FGF14: variants seen among roughly 807,000 people sequenced by gnomAD.
FGF14 encodes the protein fibroblast growth factor homologous factor 4.
A neutral mutation model predicts 25.5 loss-of-function variants in FGF14; 5 were observed. That is an observed-to-expected ratio of 0.20 (90% CI 0.10 to 0.41). FGF14 has a LOEUF of 0.41. Ranked by LOEUF, FGF14 falls within the 10% of genes least tolerant of loss-of-function variation. FGF14 has a pLI of 1.00. For synonymous variants in FGF14, 138 were observed against 118.3 expected (o/e 1.17, Z -1.08); for missense variants, 222 against 320.1 (o/e 0.69, Z 2.34).
intron 3 of FGF14, among the ~76,000 whole-genome samples, chr13:101,756,005 T>C (rs1224438496): frequency 6.6e-6 from 1 of 152,198 alleles, no homozygotes; most frequent in Non-Finnish European, 1.5e-5. Flanking sequence ...GTTATTAGTG[T>C]AGCTCTTCCC....
intron 1 of FGF14, among the ~76,000 whole-genome samples, chr13:102,005,367 T>C (rs1487120223): frequency 6.6e-6 from 1 of 152,224 alleles, no homozygotes; most frequent in Non-Finnish European, 1.5e-5. Flanking sequence ...GCACAGAGAT[T>C]TCTGTGTTCA....
intron 1 of FGF14, among the ~76,000 whole-genome samples, chr13:102,222,649 A>G (rs1255296600): frequency 3.3e-5 from 5 of 152,266 alleles, no homozygotes; most frequent in South Asian, 2.1e-4. Flanking sequence ...AGCTTGTTCT[A>G]CTACTTCTAG....
At chr13:102,128,237 C>A (rs1203708482) in intron 1 of FGF14, among the ~76,000 whole-genome samples, 1 of 152,168 alleles carries the variant, frequency 6.6e-6, no homozygotes, top group Non-Finnish European at 1.5e-5. Flanking sequence ...GAGGGTGGAT[C>A]CTTCAAATAG....
At position 101,796,472 on chromosome 13, in the gene FGF14, T is replaced by A. The variant is rs143973088; in HGVS notation, c.409-69662A>T. On this transcript the variant is annotated intron_variant, in intron 3 of 4. Coordinates refer to ENST00000376143, the MANE Select transcript of FGF14 (RefSeq NM_004115.4). ...TTTTGTGGCCTCTTACCATCAGTTATGGGATAAATTATATTCCCCCCAAAT... is the reference window on the plus strand; with the variant it reads ...TTTTGTGGCCTCTTACCATCAGTTAAGGGATAAATTATATTCCCCCCAAAT... Among the ~76,000 whole-genome samples the A allele has an allele frequency of 1.3e-3, 199 of 152,136 alleles. 1 individual carries two copies. The highest frequency in any genetic ancestry group is 4.6e-3 in the African/African-American group (192 of 41,528).
chr13:102,131,310 A>G (rs1014265635), intron 1 of FGF14, among the ~76,000 whole-genome samples: 2 of 152,362 alleles, frequency 1.3e-5, no homozygotes, highest in East Asian at 3.9e-4. Flanking sequence ...CCAAAGAGGT[A>G]GAGCAAGTTA....
At chr13:101,728,510 A>G (rs2035592895) in intron 3 of FGF14, among the ~76,000 whole-genome samples, 1 of 152,150 alleles carries the variant, frequency 6.6e-6, no homozygotes, top group Non-Finnish European at 1.5e-5. Flanking sequence ...AAGATTGATA[A>G]AACAGTACAT....
At chr13:102,075,758 T>G (rs1433070397) in intron 1 of FGF14, among the ~76,000 whole-genome samples, 1 of 152,302 alleles carries the variant, frequency 6.6e-6, no homozygotes, top group African/African-American at 2.4e-5. Context: ...GTTCCATGCG[T>G]GTGATTGCTC....
intron 1 of FGF14, among the ~76,000 whole-genome samples, chr13:102,157,417 C>T (rs1055202972): frequency 5.3e-5 from 8 of 152,178 alleles, no homozygotes; most frequent in African/African-American, 1.7e-4. Flanking sequence ...AGAGAATTCC[C>T]TATTTAATAA....
chr13:102,156,261 A>G (rs1297094221), intron 1 of FGF14, among the ~76,000 whole-genome samples: 8 of 152,208 alleles, frequency 5.3e-5, no homozygotes, highest in African/African-American at 1.4e-4. Flanking sequence ...AAAATCCTCA[A>G]TAAAATACTG....
At chr13:102,326,197 G>A (rs1480879953) in intron 1 of FGF14, among the ~76,000 whole-genome samples, 1 of 152,088 alleles carries the variant, frequency 6.6e-6, no homozygotes, top group African/African-American at 2.4e-5. Flanking sequence ...AGCATCAAAT[G>A]CAAGCATCAA....
intron 1 of FGF14, among the ~76,000 whole-genome samples, chr13:102,250,387 G>C (rs1192474118): frequency 2.6e-5 from 4 of 152,086 alleles, no homozygotes; most frequent in Non-Finnish European, 5.9e-5. Context: ...ATATGCTTTT[G>C]GAATTAAGTC....
intron 1 of FGF14, among the ~76,000 whole-genome samples, chr13:102,380,843 A>G (rs1470876905): frequency 6.6e-6 from 1 of 152,146 alleles, no homozygotes; most frequent in East Asian, 1.9e-4. Flanking sequence ...AACACAGATA[A>G]AGAGTCAGAA....
chr13:101,821,131 G>A (rs6650289), intron 3 of FGF14, among the ~76,000 whole-genome samples: 2,088 of 151,828 alleles, frequency 0.014, 67 homozygotes, highest in African/African-American at 0.047. Flanking sequence ...TGTATTTTTA[G>A]TAGAGACAGG....
At chr13:102,112,437 C>T (rs1222159064) in intron 1 of FGF14, among the ~76,000 whole-genome samples, 1 of 152,206 alleles carries the variant, frequency 6.6e-6, no homozygotes, top group East Asian at 1.9e-4. Context: ...ATGGAATTCT[C>T]ACACACCACC....
chr13:102,016,351 C>T (rs971014326), intron 1 of FGF14, among the ~76,000 whole-genome samples: 1 of 151,824 alleles, frequency 6.6e-6, no homozygotes, highest in Non-Finnish European at 1.5e-5. Flanking sequence ...AAATATAATG[C>T]AAAATAAATA....
chr13:102,194,218 TA>T (rs2049247095), intron 1 of FGF14, among the ~76,000 whole-genome samples: 1 of 152,134 alleles, frequency 6.6e-6, no homozygotes, highest in Admixed American at 6.6e-5. Flanking sequence ...TAAAACATAT[TA>T]AAATACATAT....
At chr13:102,377,334 C>G (rs1433443698) in intron 1 of FGF14, among the ~76,000 whole-genome samples, 2 of 152,094 alleles carry the variant, frequency 1.3e-5, no homozygotes, top group South Asian at 2.1e-4. Flanking sequence ...CCATAAAATT[C>G]ACCTCAAAGT....
chr13:102,327,135 A>G (rs996518988), intron 1 of FGF14, among the ~76,000 whole-genome samples: 1 of 152,236 alleles, frequency 6.6e-6, no homozygotes, highest in Non-Finnish European at 1.5e-5. Flanking sequence ...GTAATGGTCT[A>G]CCAGCCTACC....
At chr13:101,833,840 T>G (rs1271563554) in intron 3 of FGF14, among the ~76,000 whole-genome samples, 1 of 152,116 alleles carries the variant, frequency 6.6e-6, no homozygotes, top group Admixed American at 6.6e-5. Context: ...TGTTTAATTG[T>G]AGACTTGGGG....
Sources: allele counts gnomAD v4.1 joint callset (sites outside exome capture counted in the v4.1 genomes callset), GRCh38; gene constraint gnomAD v4.1.1; transcripts MANE v1.5; gene names NCBI Gene and HGNC (gene_info 2026-07-23, HGNC 2026-07-21).